Variants in PHRF1 observed in about 807,000 individuals in gnomAD.
PHRF1 encodes the protein PHD and RING finger domain-containing protein 1.
A neutral mutation model predicts 128.9 loss-of-function variants in PHRF1; 53 were observed. That is an observed-to-expected ratio of 0.41 (90% confidence interval 0.33 to 0.52). The LOEUF is 0.52. Among genes scored for constraint, PHRF1 ranks in the 20% least tolerant of loss-of-function variants. The probability of loss-of-function intolerance (pLI) is 0.21; values close to 1 mark genes in which losing one functional copy is unlikely to be tolerated. For missense variants in PHRF1, 2,503 were observed against 2,284.5 expected, an observed-to-expected ratio of 1.10 and a Z score of -1.95; for synonymous variants, 1,178 against 980.6, an observed-to-expected ratio of 1.20 and a Z score of -3.76.
At chr11:582,430 A>G (rs1854262612) in intron 3 of PHRF1, among the ~76,000 whole-genome samples, 1 of 151,800 alleles carries the variant, frequency 6.6e-6, no homozygotes, top group South Asian at 2.1e-4. Context: ...ACACTTGGCT[A>G]ATTACTTTTT....
At chr11:593,814 C>T (rs941864676) in intron 6 of PHRF1, among the ~76,000 whole-genome samples, 3 of 152,224 alleles carry the variant, frequency 2.0e-5, no homozygotes, top group Admixed American at 6.5e-5. Flanking sequence ...GAGATAGCCA[C>T]GCCTCTGCTC....
chr11:583,192 A>G lies in PHRF1; in HGVS notation c.214+1111A>G, dbSNP rs1479414812. ...CGTCTCTACTAAAAATAGAAAAATT[A>G]GCCAGTCGTGTTGGCACGCGCCTGT... is the stretch of plus-strand genomic sequence containing the variant. On this transcript the variant is annotated intron_variant, in intron 3 of 17. Coordinates refer to ENST00000264555, the MANE Select transcript of PHRF1 (RefSeq NM_001286581.2). Among the ~76,000 whole-genome samples the G allele has an allele frequency of 2.0e-5, 3 of 151,714 alleles. No homozygotes were observed. In the East Asian group the frequency reaches 5.8e-4, roughly 30 times the overall value.
Position 597,549 on chromosome 11 carries a change from C to A in PHRF1, c.873C>A (p.Ile291=), listed in dbSNP as rs1468578502. The A allele has an allele frequency of 6.2e-7, 1 of 1,611,894 alleles. No individual in the cohort carries two copies. Among genetic ancestry groups the A allele is most frequent in the Middle Eastern group, 1.7e-4 (1 of 6,060 alleles). Residue 291 remains isoleucine, a synonymous_variant, in exon 8 of 18, where the codon ATC becomes ATA. Transcript: ENST00000264555. This position sits in a 1 kb window ranked among gnomAD's most constrained non-coding sequence, Gnocchi z 6.5. ...RVRATVNRNR[I]STARRVQHTP... is the part of the protein sequence containing the mutation. ...GAGCAACCGTGAACCGGAACCGGAT[C>A]TCCACGGCCAGGAGGGTCCAGGTGG...
intron 4 of PHRF1, among the ~76,000 whole-genome samples, 200 bp downstream of exon 4, chr11:587,664 C>T (rs886885907): frequency 6.6e-6 from 1 of 152,028 alleles, no homozygotes; most frequent in Admixed American, 6.5e-5. Flanking sequence ...TCATGTGAGG[C>T]GTTTGTGGTG....
At chr11:611,606 C>T (rs1856409561) in intron 17 of PHRF1, 28 bp from the exon 18 acceptor site, 2 of 1,612,560 alleles carry the variant, frequency 1.2e-6, no homozygotes, top group Non-Finnish European at 1.7e-6. Context: ...TGTGAAAGGG[C>T]ATTTGGTGAT....
Position 597,174 on chromosome 11 carries a change from G to A in PHRF1, c.718+154G>A, listed in dbSNP as rs2132987998. Among the ~76,000 whole-genome samples the A allele has an allele frequency of 6.6e-6, 1 of 152,092 alleles. No individual in the cohort carries two copies. Among genetic ancestry groups the A allele is most frequent in the Middle Eastern group, 3.4e-3 (1 of 294 alleles). On this transcript the variant is annotated intron_variant, in intron 7 of 17. Coordinates refer to ENST00000264555, the MANE Select transcript of PHRF1 (RefSeq NM_001286581.2). The surrounding 1 kb of genome is among the most constrained non-coding windows in gnomAD (Gnocchi z 6.5). ...CTGCGGTGTCGGGAGGACATCTAGGGCTGTCTCGGGCTCGTCTTCTCGGGG... is the reference window on the plus strand; with the variant it reads ...CTGCGGTGTCGGGAGGACATCTAGGACTGTCTCGGGCTCGTCTTCTCGGGG...
Position 581,483 on chromosome 11 carries a change from TTC to T in PHRF1, c.-21-7_-21-6del. The T allele has an allele frequency of 6.2e-7, 1 of 1,611,902 alleles. No individual in the cohort carries two copies. The highest frequency in any genetic ancestry group is 8.5e-7 in the Non-Finnish European group (1 of 1,178,952). ...AGTTTGGAAGTTGCTTGGCTCTTCT[TTC>T]TTTCAGAGCTGAGCTCAATGTGCAG... On this transcript the variant is annotated splice_polypyrimidine_tract_variant and splice_region_variant and intron_variant, in intron 1 of 17. Transcript: ENST00000264555.
intron 9 of PHRF1, among the ~76,000 whole-genome samples, chr11:600,039 A>G (rs1855536263): frequency 6.6e-6 from 1 of 151,922 alleles, no homozygotes; most frequent in Non-Finnish European, 1.5e-5. Flanking sequence ...TTATGTCACT[A>G]CAGATGTGCA....
intron 4 of PHRF1, 115 bp downstream of exon 4, chr11:587,579 C>T (rs1275152502): frequency 2.8e-6 from 3 of 1,055,428 alleles, no homozygotes; most frequent in African/African-American, 3.2e-5. Context: ...CTGCGGCTGA[C>T]CCTGGGGCCA....
At chr11:591,628 T>G (rs1854978180) in intron 5 of PHRF1, among the ~76,000 whole-genome samples, 161 bp downstream of exon 5, 1 of 152,184 alleles carries the variant, frequency 6.6e-6, no homozygotes, top group Non-Finnish European at 1.5e-5. Flanking sequence ...GAGCCCTGTC[T>G]GGGGGGTTTG....
rs373184089 is a variant in PHRF1 at position 598,577 on chromosome 11, T to G, written c.1024+75T>G. 6.0e-6 allele frequency: 9 copies of G among 1,509,744 alleles called. No homozygotes were observed. In the African/African-American group the frequency reaches 1.1e-4, roughly 19 times the overall value. 93.5% of individuals were successfully genotyped at this position (1,509,744 alleles called of 1,614,324 possible). Reference sequence around the variant, plus strand: ...GCCCGAGGTCCACTCACTGCTTCCCTCAAGGCTGTGGGCATTTCCATTTCT... The same window carrying G: ...GCCCGAGGTCCACTCACTGCTTCCCGCAAGGCTGTGGGCATTTCCATTTCT... On this transcript the variant is annotated intron_variant, in intron 9 of 17. Coordinates refer to ENST00000264555, the MANE Select transcript of PHRF1 (RefSeq NM_001286581.2).
chr11:585,899 T>C (rs1404471125), intron 3 of PHRF1, among the ~76,000 whole-genome samples: 1 of 152,064 alleles, frequency 6.6e-6, no homozygotes, highest in African/African-American at 2.4e-5. Flanking sequence ...TCTTGCTCTG[T>C]TGCCCAGGCT....
At chr11:603,863 C>T (rs775254097) in intron 10 of PHRF1, among the ~76,000 whole-genome samples, 32 of 151,184 alleles carry the variant, frequency 2.1e-4, no homozygotes, top group Non-Finnish European at 3.2e-4. Context: ...CTACCACGCC[C>T]GGCTAAGTTT....
chr11:605,705 G>C lies in PHRF1; in HGVS notation c.1435G>C (p.Val479Leu). The change falls in exon 12 of 18, where the codon GTC becomes CTC. Residue 479 changes from valine to leucine, a missense_variant. Transcript: ENST00000264555. ...LQSHQPVARP[V>L]SVGLSRRRLP... ...GTCCCACCAGCCCGTGGCCAGGCCC[G>C]TCTCCGTGGGGCTTTCCAGGTGTGT... is the stretch of plus-strand genomic sequence containing the variant. The C allele has an allele frequency of 6.2e-7, 1 of 1,611,718 alleles. No homozygotes were observed. The highest frequency in any genetic ancestry group is 8.5e-7 in the Non-Finnish European group (1 of 1,179,712).
In PHRF1 at chr11:611,798, T is replaced by C. The variant is rs770533150; in HGVS notation, c.*21T>C. The C allele has an allele frequency of 1.5e-5, 24 of 1,581,980 alleles. No individual in the cohort carries two copies. The highest frequency in any genetic ancestry group is 2.0e-5 in the Non-Finnish European group (23 of 1,165,900). ...GCTGAGGCCAGGCAATCACGGGCTA[T>C]GCCCGGGGAGCTGTCGGGAGTGGCG... On this transcript the variant is annotated 3_prime_UTR_variant, in exon 18 of 18. Coordinates refer to ENST00000264555, the MANE Select transcript of PHRF1 (RefSeq NM_001286581.2).
chr11:608,512 C>G lies in PHRF1; in HGVS notation c.3056C>G (p.Ser1019Cys), dbSNP rs1337364876. 3 of 1,447,988 alleles carry G rather than the reference C, an allele frequency of 2.1e-6. No individual in the cohort carries two copies. The highest frequency in any genetic ancestry group is 2.8e-6 in the Non-Finnish European group (3 of 1,074,914). 89.7% of individuals were successfully genotyped at this position (1,447,988 alleles called of 1,614,324 possible). ...RVSREHGRTR[S>C]GTRSESRDRS... ...TCCAGGGAGCACGGACGGACGCGCT[C>G]TGGGACGCGCTCTGAATCCAGGGAC... The change falls in exon 14 of 18, where the codon TCT (serine) becomes TGT (cysteine). Residue 1019 changes from serine (S) to cysteine (C), a missense_variant. Ser to Cys is a moderately radical substitution (Grantham distance 112). Transcript: ENST00000264555.
rs1165608356 is a variant in PHRF1 at position 598,601 on chromosome 11, C to T, written c.1024+99C>T. 13 of 1,442,548 alleles carry T rather than the reference C, an allele frequency of 9.0e-6. No individual in the cohort carries two copies. In the East Asian group the frequency reaches 1.7e-4, roughly 19 times the overall value. 89.4% of individuals were successfully genotyped at this position (1,442,548 alleles called of 1,614,324 possible). Reference sequence around the variant, plus strand: ...CTCAAGGCTGTGGGCATTTCCATTTCTTCTTTCTGCAAGTTAATCTTCTCT... The same window carrying T: ...CTCAAGGCTGTGGGCATTTCCATTTTTTCTTTCTGCAAGTTAATCTTCTCT... On this transcript the variant is annotated intron_variant, in intron 9 of 17. Coordinates refer to ENST00000264555, the MANE Select transcript of PHRF1 (RefSeq NM_001286581.2).
At position 607,228 on chromosome 11, in the gene PHRF1, C is replaced by A; in HGVS notation, c.1772C>A (p.Thr591Asn). The A allele has an allele frequency of 6.2e-7, 1 of 1,612,360 alleles. No homozygotes were observed. ...CTCAGCTGTCAAGGCAGGTCCCGCACCCCCGCCCGCACCGCGGGGGCGCCT... is the reference window on the plus strand; with the variant it reads ...CTCAGCTGTCAAGGCAGGTCCCGCAACCCCGCCCGCACCGCGGGGGCGCCT... Reference protein sequence around the residue: ...TGLSCQGRSRTPARTAGAPVR... With the variant: ...TGLSCQGRSRNPARTAGAPVR... Residue 591 changes from threonine (T) to asparagine (N), a missense_variant, in exon 14 of 18, where the codon ACC (threonine) becomes AAC (asparagine). Thr to Asn is a moderately conservative substitution (Grantham distance 65, BLOSUM62 0). Coordinates refer to ENST00000264555, the MANE Select transcript of PHRF1 (RefSeq NM_001286581.2).
At chr11:602,455 C>T (rs748673358) in intron 10 of PHRF1, among the ~76,000 whole-genome samples, 3 of 151,984 alleles carry the variant, frequency 2.0e-5, no homozygotes, top group African/African-American at 4.8e-5. Context: ...CTGAGGCGGA[C>T]GGATCACCTG....
Sources: allele counts gnomAD v4.1 joint callset (sites outside exome capture counted in the v4.1 genomes callset), GRCh38; gene constraint gnomAD v4.1.1; non-coding constraint Gnocchi (gnomAD v3.1); transcripts MANE v1.5; gene names NCBI Gene and HGNC (gene_info 2026-07-23, HGNC 2026-07-21).